Variants in GPR153 observed in about 807,000 individuals in gnomAD.
GPR153 encodes probable G protein-coupled receptor 153.
Under a neutral mutation model 34.1 loss-of-function variants are expected in GPR153, and 27 were observed. The ratio of observed to expected loss-of-function variants is 0.79; its 90% confidence interval spans 0.58 to 1.09. GPR153 has a LOEUF of 1.09. GPR153 is among the 50% of genes least tolerant of loss of function. The pLI is 0.00. For synonymous variants in GPR153, 408 were observed against 405.4 expected (o/e 1.01, Z -0.08); for missense variants, 848 against 860.2 (o/e 0.99, Z 0.18).
intron 1 of GPR153, among the ~76,000 whole-genome samples, chr1:6,257,298 G>C (rs981560200): frequency 2.0e-5 from 3 of 152,214 alleles, no homozygotes; most frequent in Admixed American, 2.0e-4. Flanking sequence ...CACACCCCCT[G>C]AACCTCCATT....
In GPR153 at chr1:6,254,813, G is replaced by A. The variant is rs1331847578; in HGVS notation, c.93C>T (p.Ser31=). The A allele has an allele frequency of 1.2e-5, 20 of 1,612,898 alleles. 2 individuals are homozygous for A. The highest frequency in any genetic ancestry group is 3.3e-5 in the South Asian group (3 of 91,058). The part of the protein sequence containing the change: ...SLLANAWGIL[S]VGAKQKKWKP... Reference sequence around the variant, plus strand: ...TCCACTTCTTCTGCTTGGCGCCAACGCTGAGGATGCCCCAGGCATTGGCCA... The same window carrying A: ...TCCACTTCTTCTGCTTGGCGCCAACACTGAGGATGCCCCAGGCATTGGCCA... Residue 31 remains serine, a synonymous_variant, in exon 2 of 6, where the codon AGC becomes AGT. Coordinates refer to ENST00000377893, the MANE Select transcript of GPR153 (RefSeq NM_207370.4).
chr1:6,257,928 A>T (rs1300104177), intron 1 of GPR153, among the ~76,000 whole-genome samples: 2 of 152,218 alleles, frequency 1.3e-5, no homozygotes, highest in Non-Finnish European at 2.9e-5. Context: ...CTTCTTACCC[A>T]GGGGCCATTT....
rs1191018909 is a variant in GPR153 at position 6,248,591 on chromosome 1, T to C, written c.*747A>G. The C allele has an allele frequency of 4.6e-5, 7 of 151,242 alleles. No individual in the cohort carries two copies. The highest frequency in any genetic ancestry group is 1.7e-4 in the African/African-American group (7 of 40,952). 9.4% of individuals were successfully genotyped at this position (151,242 alleles called of 1,614,324 possible). On this transcript the variant is annotated 3_prime_UTR_variant, in exon 6 of 6. Coordinates refer to ENST00000377893, the MANE Select transcript of GPR153 (RefSeq NM_207370.4). ...CCAAGGGGGCAGGGGGCACTGAGAG[T>C]GGGAGGCCTCAGGCCTAGGGAGCCA...
chr1:6,249,144 C>G lies in GPR153; in HGVS notation c.*194G>C, dbSNP rs961871374. 1.2e-5 allele frequency: 5 copies of G among 410,324 alleles called. No homozygotes were observed. Among genetic ancestry groups the G allele is most frequent in the African/African-American group, 1.0e-4 (5 of 48,382 alleles). The allele number at this position is 410,324 out of a possible 1,614,324, so 25.4% of individuals were successfully genotyped here. A position where few individuals can be genotyped will look rare whatever the true frequency, so the allele number is the denominator to read the frequency against. ...CGGGACATGCGGTGCCCAGCGCAGT[C>G]GTCCGGGGCAGCCGTCGCCCCTGGG... On this transcript the variant is annotated 3_prime_UTR_variant, in exon 6 of 6. Transcript: ENST00000377893. This position sits in a 1 kb window ranked among gnomAD's most constrained non-coding sequence, Gnocchi z 4.3.
At position 6,261,035 on chromosome 1, in the gene GPR153, A is replaced by AGGCGCC. The variant is rs1638668817; in HGVS notation, c.-326_-321dup. 1 of 146,206 alleles carries AGGCGCC rather than the reference A, an allele frequency of 6.8e-6. No homozygotes were observed. The highest frequency in any genetic ancestry group is 2.0e-4 in the South Asian group (1 of 4,936). 9.1% of individuals were successfully genotyped at this position (146,206 alleles called of 1,614,324 possible). A position where few individuals can be genotyped will look rare whatever the true frequency, so the allele number is the denominator to read the frequency against. On this transcript the variant is annotated 5_prime_UTR_variant, in exon 1 of 6. Transcript: ENST00000377893. Reference sequence around the variant, plus strand: ...CGGCCCCGCCGCCCCTCCCTCCCCTAGGCGCCGCCGCCGCCGCCGCGCTTC... The same window carrying AGGCGCC: ...CGGCCCCGCCGCCCCTCCCTCCCCTAGGCGCCGGCGCCGCCGCCGCCGCCGCGCTTC...
chr1:6,256,802 G>A (rs761113626), intron 1 of GPR153, among the ~76,000 whole-genome samples: 5 of 152,182 alleles, frequency 3.3e-5, no homozygotes, highest in South Asian at 2.1e-4. Flanking sequence ...CACACCCGGC[G>A]AGACATAAAT....
intron 1 of GPR153, among the ~76,000 whole-genome samples, chr1:6,259,298 C>G (rs531753794): frequency 6.6e-6 from 1 of 152,090 alleles, no homozygotes; most frequent in African/African-American, 2.4e-5. Context: ...GGCAGGGGCA[C>G]GTGCATCCTC....
At position 6,249,484 on chromosome 1, in the gene GPR153, G is replaced by T; in HGVS notation, c.1684C>A (p.Arg562Ser). 1 of 1,290,280 alleles carries T rather than the reference G, an allele frequency of 7.8e-7. No individual in the cohort carries two copies. Among genetic ancestry groups the T allele is most frequent in the Non-Finnish European group, 9.8e-7 (1 of 1,024,888 alleles). The allele number at this position is 1,290,280 out of a possible 1,614,324, so 79.9% of individuals were successfully genotyped here. ...CCCCACGACGCGCTCAGGCCGGGGC[G>T]CAGAGAGCCGGCGTGCGAGTGCGCA... ...PSAHSHAGSLRPGLSASWGEP... is the reference protein window; with the variant it reads ...PSAHSHAGSLSPGLSASWGEP... The change falls in exon 6 of 6, where the codon CGC (arginine) becomes AGC (serine). Residue 562 changes from arginine (R) to serine (S), a missense_variant. Arg to Ser is a moderately radical substitution (Grantham distance 110, BLOSUM62 -1). Transcript: ENST00000377893. The surrounding 1 kb of genome is among the most constrained non-coding windows in gnomAD (Gnocchi z 4.3).
intron 1 of GPR153, among the ~76,000 whole-genome samples, chr1:6,259,574 C>T (rs932925661): frequency 6.6e-6 from 1 of 151,660 alleles, no homozygotes; most frequent in African/African-American, 2.4e-5. Flanking sequence ...CGTCCCCACA[C>T]TGCAGATGGG....
Position 6,260,384 on chromosome 1 carries a change from C to G in GPR153, c.-110+441G>C, listed in dbSNP as rs904425606. Among the ~76,000 whole-genome samples the G allele has an allele frequency of 9.4e-5, 6 of 64,158 alleles. No individual in the cohort carries two copies. The East Asian group carries it at 1.9e-3, about 21-fold the overall frequency. The allele number at this position is 64,158 out of a possible 152,430, so 42.1% of individuals were successfully genotyped here. ...ACCCCCTGGGGCTCCGATCCCCCCC[C>G]CCCCCCGCAATCCCCGCTCCGACTC... On this transcript the variant is annotated intron_variant, in intron 1 of 5. Coordinates refer to ENST00000377893, the MANE Select transcript of GPR153 (RefSeq NM_207370.4).
chr1:6,254,510 T>C (rs754619172), intron 2 of GPR153, 40 bp downstream of exon 2: 12 of 1,492,560 alleles, frequency 8.0e-6, no homozygotes, highest in Non-Finnish European at 1.1e-5. Flanking sequence ...TTTTCACGCC[T>C]GCTTAGAACC....
In GPR153 at chr1:6,253,755, A is replaced by T. The variant is rs1393812922; in HGVS notation, c.749T>A (p.Val250Asp). 3 of 1,535,836 alleles carry T rather than the reference A, an allele frequency of 2.0e-6. No homozygotes were observed. Among genetic ancestry groups the T allele is most frequent in the African/African-American group, 1.4e-5 (1 of 72,506 alleles). ...LQTTGLVTTI[V>D]FIYDCLMGFP... ...GCCCATGAGGCAGTCGTAGATGAAGACTATGGTGGTCACGAGGCCCGTGGT... is the reference window on the plus strand; with the variant it reads ...GCCCATGAGGCAGTCGTAGATGAAGTCTATGGTGGTCACGAGGCCCGTGGT... Residue 250 changes from valine to aspartate, a missense_variant, in exon 3 of 6, where the codon GTC becomes GAC. Physicochemically the swap from Val to Asp is radical, Grantham distance 152. Coordinates refer to ENST00000377893, the MANE Select transcript of GPR153 (RefSeq NM_207370.4).
chr1:6,252,791 A>G (rs868571868), intron 3 of GPR153, among the ~76,000 whole-genome samples: 1 of 152,070 alleles, frequency 6.6e-6, no homozygotes, highest in Non-Finnish European at 1.5e-5. Flanking sequence ...GGGGTTGGCT[A>G]CTGAGTCCAG....
rs889094099 is a variant in GPR153, at chr1:6,249,256, G to C, written c.*82C>G. The stretch of plus-strand genomic sequence containing the variant: ...GAGGGGTGGCGCATGTCTGCGCGCG[G>C]GGCGGAGGCGGGCGTCTTTGGTGCT... On this transcript the variant is annotated 3_prime_UTR_variant, in exon 6 of 6. Transcript: ENST00000377893. The surrounding 1 kb of genome is among the most constrained non-coding windows in gnomAD (Gnocchi z 4.3). The C allele has an allele frequency of 4.7e-5, 49 of 1,038,954 alleles. No individual in the cohort carries two copies. Among genetic ancestry groups the C allele is most frequent in the Non-Finnish European group, 5.9e-5 (48 of 811,122 alleles). 64.4% of individuals were successfully genotyped at this position (1,038,954 alleles called of 1,614,324 possible). A position where few individuals can be genotyped will look rare whatever the true frequency, so the allele number is the denominator to read the frequency against.
At chr1:6,257,524 G>A (rs537930222) in intron 1 of GPR153, among the ~76,000 whole-genome samples, 50 of 152,360 alleles carry the variant, frequency 3.3e-4, no homozygotes, top group African/African-American at 1.2e-3. Context: ...TGCTTCTTCC[G>A]CGGGGAGGCT....
At chr1:6,259,113 T>C (rs999644808) in intron 1 of GPR153, among the ~76,000 whole-genome samples, 4 of 152,094 alleles carry the variant, frequency 2.6e-5, no homozygotes, top group African/African-American at 9.7e-5. Context: ...ATAAAAAAAT[T>C]GGCCAGGCGT....
In GPR153 at chr1:6,249,831, T is replaced by A. The variant is rs1383739853; in HGVS notation, c.1337A>T (p.Asp446Val). The change falls in exon 6 of 6, where the codon GAC (aspartate) becomes GTC (valine). Residue 446 changes from aspartate (D) to valine (V), a missense_variant. Asp to Val is a radical substitution (Grantham distance 152). Coordinates refer to ENST00000377893, the MANE Select transcript of GPR153 (RefSeq NM_207370.4). This position sits in a 1 kb window ranked among gnomAD's most constrained non-coding sequence, Gnocchi z 4.3. ...GCGGCGCGCGCGGGACGGTGGTGCGTCCTCCGCGAAGGCCAGGAGGCTGGC... is the reference window on the plus strand; with the variant it reads ...GCGGCGCGCGCGGGACGGTGGTGCGACCTCCGCGAAGGCCAGGAGGCTGGC... ...RRASLLAFAE[D>V]APPSRARRRS... is the part of the protein sequence containing the mutation. The A allele has an allele frequency of 1.2e-5, 15 of 1,230,774 alleles. No individual in the cohort carries two copies. Among genetic ancestry groups the A allele is most frequent in the African/African-American group, 1.6e-5 (1 of 63,146 alleles). The allele number at this position is 1,230,774 out of a possible 1,614,324, so 76.2% of individuals were successfully genotyped here.
chr1:6,256,244 C>A (rs1351698810), intron 1 of GPR153, among the ~76,000 whole-genome samples: 1 of 152,158 alleles, frequency 6.6e-6, no homozygotes, highest in Non-Finnish European at 1.5e-5. Context: ...GCATTCAAGG[C>A]ACCATCTTTG....
chr1:6,250,147 G>A, intron 5 of GPR153, 144 bp from the exon 6 acceptor site: 1 of 1,362,398 alleles, frequency 7.3e-7, no homozygotes, highest in South Asian at 2.1e-5. Flanking sequence ...GTGAGGTTTG[G>A]TGCAGTCTCT....
Sources: gnomAD v4.1 joint callset for allele counts (sites outside exome capture counted in the v4.1 genomes callset) on GRCh38, gnomAD v4.1.1 for gene constraint, Gnocchi (gnomAD v3.1) non-coding constraint, MANE v1.5 for transcripts, NCBI Gene and HGNC (gene_info 2026-07-23, HGNC 2026-07-21) for gene names.